The following CGGBP1 variants were observed in gnomAD, a reference collection of about 807,000 sequenced individuals.
The protein encoded by CGGBP1 is CGG triplet repeat-binding protein 1.
CGGBP1 carries 4 observed loss-of-function variants against 11.4 expected under a neutral mutation model. The observed-to-expected ratio is 0.35, with a 90% confidence interval of 0.17 to 0.80. CGGBP1 has a LOEUF of 0.80. Ranked by LOEUF, CGGBP1 falls within the 30% of genes least tolerant of loss-of-function variation. The pLI is 0.52. For missense variants in CGGBP1, 135 were observed against 202.1 expected, an observed-to-expected ratio of 0.67 and a Z score of 2.01; for synonymous variants, 76 against 74.1, an observed-to-expected ratio of 1.03 and a Z score of -0.13.
At chr3:88,095,583 C>G in intron 2 of CGGBP1, 1 of 521,208 alleles carries the variant, frequency 1.9e-6, no homozygotes, top group South Asian at 1.4e-5. Context: ...TAAATTGCCA[C>G]AGGAATCTGT....
At chr3:88,141,529 TCTA>T (rs1312490822) in intron 1 of CGGBP1, 1 of 653,326 alleles carries the variant, frequency 1.5e-6, no homozygotes, top group Non-Finnish European at 2.3e-6. Flanking sequence ...AGCTTGTCTG[TCTA>T]CTAATATCAA....
At chr3:88,070,900 C>T (rs1707474341) in intron 2 of CGGBP1, among the ~76,000 whole-genome samples, 2 of 152,048 alleles carry the variant, frequency 1.3e-5, no homozygotes, top group African/African-American at 4.8e-5. Context: ...TATCTGTGGG[C>T]AGTGCAATGA....
chr3:88,123,440 T>C (rs1576325577), intron 2 of CGGBP1, among the ~76,000 whole-genome samples: 1 of 152,160 alleles, frequency 6.6e-6, no homozygotes, highest in African/African-American at 2.4e-5. Flanking sequence ...TAATTCATAA[T>C]GTAATCATTT....
chr3:88,098,824 T>C (rs1392372779), intron 2 of CGGBP1, among the ~76,000 whole-genome samples: 1 of 152,194 alleles, frequency 6.6e-6, no homozygotes, highest in East Asian at 1.9e-4. Context: ...TAGGTATTGA[T>C]GGGACCTATC....
upstream of CGGBP1, among the ~76,000 whole-genome samples, chr3:88,060,939 T>C (rs1706843274): frequency 6.6e-6 from 1 of 152,180 alleles, no homozygotes. Flanking sequence ...CCCAGTGTCA[T>C]AAAGAAGTTG....
chr3:88,077,511 T>G (rs1022528779), intron 2 of CGGBP1, among the ~76,000 whole-genome samples: 16 of 151,114 alleles, frequency 1.1e-4, no homozygotes, highest in African/African-American at 2.9e-4. Context: ...TTTTTGTGAT[T>G]TTTTTAGTAG....
chr3:88,134,388 A>G (rs1467432670), intron 2 of CGGBP1, among the ~76,000 whole-genome samples: 1 of 152,076 alleles, frequency 6.6e-6, no homozygotes, highest in Non-Finnish European at 1.5e-5. Flanking sequence ...GACATGTTTT[A>G]AAGAATTCTA....
chr3:88,097,234 C>T (rs1704118689), intron 2 of CGGBP1, among the ~76,000 whole-genome samples: 1 of 152,110 alleles, frequency 6.6e-6, no homozygotes, highest in Admixed American at 6.6e-5. Context: ...ACTTATCACA[C>T]ATTTATACAA....
At chr3:88,068,307 AC>A (rs1163198994) in intron 2 of CGGBP1, among the ~76,000 whole-genome samples, 3 of 152,076 alleles carry the variant, frequency 2.0e-5, no homozygotes, top group Admixed American at 1.3e-4. Context: ...TAACTTTGAG[AC>A]AGAAAGGGAC....
In CGGBP1 at chr3:88,073,386, G is replaced by C. The variant is rs145485224; in HGVS notation, c.-228-15163C>G. Among the ~76,000 whole-genome samples, 353 of 152,258 alleles carry C rather than the reference G, an allele frequency of 2.3e-3. 2 individuals carry two copies. The highest frequency in any genetic ancestry group is 7.9e-3 in the African/African-American group (327 of 41,538). ...GGTTTGAATTCTGTGGGATAATACA[G>C]CATTAAAGGCAAAGTCATGCCATTA... On this transcript the variant is annotated intron_variant, in intron 2 of 3. Transcript: ENST00000462901.
chr3:88,112,876 G>A (rs1224286467), intron 2 of CGGBP1, among the ~76,000 whole-genome samples: 1 of 151,978 alleles, frequency 6.6e-6, no homozygotes, highest in Non-Finnish European at 1.5e-5. Context: ...GGCATGAGTA[G>A]TATAATTGTT....
At chr3:88,084,609 T>C (rs537448580) in intron 2 of CGGBP1, among the ~76,000 whole-genome samples, 12 of 152,250 alleles carry the variant, frequency 7.9e-5, no homozygotes, top group Admixed American at 2.0e-4. Context: ...CCCAGAAACA[T>C]TGGAAAGATG....
chr3:88,081,651 A>C (rs2107647219), intron 2 of CGGBP1, among the ~76,000 whole-genome samples: 1 of 152,334 alleles, frequency 6.6e-6, no homozygotes, highest in African/African-American at 2.4e-5. Flanking sequence ...TTTAGCCTTT[A>C]GGAGCTCCTT....
chr3:88,130,146 A>G (rs1006587875), intron 2 of CGGBP1, among the ~76,000 whole-genome samples: 2 of 152,192 alleles, frequency 1.3e-5, no homozygotes, highest in African/African-American at 4.8e-5. Context: ...AGGTTTACCT[A>G]GCAATCATGT....
intron 1 of CGGBP1, among the ~76,000 whole-genome samples, chr3:88,148,704 G>A (rs1423298123): frequency 6.6e-6 from 1 of 152,168 alleles, no homozygotes; most frequent in Non-Finnish European, 1.5e-5. Context: ...AGTGTGGCGC[G>A]ATCTCGGCTA....
chr3:88,086,456 A>G, intron 2 of CGGBP1: 1 of 1,346,892 alleles, frequency 7.4e-7, no homozygotes, highest in Non-Finnish European at 9.6e-7. Context: ...GTGTTTGAGA[A>G]TTTGTTTTTG....
intron 2 of CGGBP1, among the ~76,000 whole-genome samples, chr3:88,072,945 A>C (rs1169301180): frequency 6.7e-6 from 1 of 148,930 alleles, no homozygotes; most frequent in Admixed American, 6.8e-5. Context: ...TGGATGAAAT[A>C]GGATTTGACT....
chr3:88,064,131 C>A (rs1354512643), intron 2 of CGGBP1, among the ~76,000 whole-genome samples: 1 of 146,792 alleles, frequency 6.8e-6, no homozygotes. Context: ...TTTGCCACAG[C>A]TTATAACAAA....
At chr3:88,077,334 G>T (rs9878905) in intron 2 of CGGBP1, among the ~76,000 whole-genome samples, 131,400 of 143,154 alleles carry the variant, frequency 0.92, 60,549 homozygotes, top group Non-Finnish European at 0.99. Flanking sequence ...GACTTAAATT[G>T]TTTTTTTTTT....
Sources: gnomAD v4.1 joint callset for allele counts (sites outside exome capture counted in the v4.1 genomes callset) on GRCh38, gnomAD v4.1.1 for gene constraint, MANE v1.5 for transcripts, NCBI Gene and HGNC (gene_info 2026-07-23, HGNC 2026-07-21) for gene names.